Variants in PTPRN2 observed in about 807,000 individuals in gnomAD.
PTPRN2 encodes receptor-type tyrosine-protein phosphatase N2.
A neutral mutation model predicts 118.8 loss-of-function variants in PTPRN2; 74 were observed. That is an observed-to-expected ratio of 0.62 (90% CI 0.52 to 0.76). The LOEUF (loss-of-function observed/expected upper bound fraction) is 0.76, where lower values mean the gene tolerates loss of function less well. PTPRN2 is among the 30% of genes least tolerant of loss of function. The pLI is 0.00. For synonymous variants in PTPRN2, 641 were observed against 608.0 expected (o/e 1.05, Z -0.80); for missense variants, 1,481 against 1,394.4 (o/e 1.06, Z -0.99).
chr7:158,149,212 G>C (rs1350447483), intron 6 of PTPRN2, among the ~76,000 whole-genome samples: 2 of 150,722 alleles, frequency 1.3e-5, no homozygotes, highest in African/African-American at 4.9e-5. Context: ...CGAGTGTCTG[G>C]GCTGACCTGC....
At chr7:157,558,799 G>T (rs1324229408) in intron 21 of PTPRN2, among the ~76,000 whole-genome samples, 1 of 152,190 alleles carries the variant, frequency 6.6e-6, no homozygotes, top group South Asian at 2.1e-4. Context: ...CTGTAGGGCC[G>T]GCAGCTGCCT....
Position 157,607,704 on chromosome 7 carries a change from C to T in PTPRN2, c.2345-3629G>A, listed in dbSNP as rs570015378. Among the ~76,000 whole-genome samples the T allele has an allele frequency of 3.3e-5, 5 of 152,318 alleles. No individual in the cohort carries two copies. In the South Asian group the frequency reaches 8.3e-4, roughly 25 times the overall value. On this transcript the variant is annotated intron_variant, in intron 15 of 22. Transcript: ENST00000389418. ...GCCAGGCCCTGTGAGCAACAGGCCA[C>T]GGGGAAAGTGGCCACTGCCATTGGA...
chr7:158,195,802 T>G (rs1028713894), intron 4 of PTPRN2, among the ~76,000 whole-genome samples: 3 of 152,184 alleles, frequency 2.0e-5, no homozygotes, highest in Non-Finnish European at 4.4e-5. Flanking sequence ...ATTTTATGAG[T>G]TGCATTTTCC....
intron 2 of PTPRN2, among the ~76,000 whole-genome samples, chr7:158,340,607 CCACACACGTCACTCACACT>C (rs1806531825): frequency 8.8e-6 from 1 of 113,604 alleles, no homozygotes. Context: ...TCACTCACAC[CCACACACGTCACTCACACT>C]CACACTCTAG....
chr7:158,244,758 G>A (rs78709582), intron 3 of PTPRN2, among the ~76,000 whole-genome samples: 35 of 151,756 alleles, frequency 2.3e-4, no homozygotes, highest in East Asian at 5.8e-4. Context: ...TGTGGTTAGC[G>A]TCAGAGTATG....
chr7:158,296,339 C>G (rs1398515105), intron 3 of PTPRN2, among the ~76,000 whole-genome samples: 1 of 152,120 alleles, frequency 6.6e-6, no homozygotes, highest in Non-Finnish European at 1.5e-5. Flanking sequence ...GCTGAGCGGC[C>G]CGACTCCAGG....
intron 6 of PTPRN2, among the ~76,000 whole-genome samples, chr7:158,166,575 G>A (rs1248941813): frequency 2.8e-5 from 4 of 144,064 alleles, no homozygotes; most frequent in African/African-American, 5.2e-5. Context: ...CCCCCTGGCC[G>A]CCGCGTTCCC....
At position 157,948,510 on chromosome 7, in the gene PTPRN2, CA is replaced by C. The variant is rs976194037; in HGVS notation, c.1724-49774del. ...TACACTAAAAATTAAATCAAAGAAA[CA>C]AAAAAAGGCAATATTTGAGGAACTG... is the stretch of plus-strand genomic sequence containing the variant. On this transcript the variant is annotated intron_variant, in intron 11 of 22. Coordinates refer to ENST00000389418, the MANE Select transcript of PTPRN2 (RefSeq NM_002847.5). 2.6e-5 allele frequency among the ~76,000 whole-genome samples: 4 copies of C among 151,448 alleles called. No individual in the cohort carries two copies. The East Asian group carries it at 5.8e-4, about 22-fold the overall frequency.
rs975497861 is a variant in PTPRN2 at position 158,226,581 on chromosome 7, C to T, written c.278-21308G>A. On this transcript the variant is annotated intron_variant, in intron 3 of 22. Transcript: ENST00000389418. ...CAGCGTGCATGGTGGTCCCGGCTTG[C>T]ATGCAACACGTCAACACTTAAGCAG... 4.0e-5 allele frequency among the ~76,000 whole-genome samples: 6 copies of T among 151,876 alleles called. No homozygotes were observed. In the East Asian group the frequency reaches 9.7e-4, roughly 25 times the overall value.
intron 5 of PTPRN2, among the ~76,000 whole-genome samples, chr7:158,189,811 C>T (rs1825618889): frequency 6.6e-6 from 1 of 152,210 alleles, no homozygotes; most frequent in Non-Finnish European, 1.5e-5. Flanking sequence ...GAGCACAGGG[C>T]CCCACAGCCC....
intron 12 of PTPRN2, among the ~76,000 whole-genome samples, chr7:157,772,939 C>T (rs569729186): frequency 2.6e-5 from 4 of 152,266 alleles, no homozygotes; most frequent in African/African-American, 4.8e-5. Flanking sequence ...GGCTGCATGC[C>T]GACTCCGGGT....
intron 3 of PTPRN2, among the ~76,000 whole-genome samples, chr7:158,207,218 T>C (rs1483269798): frequency 1.4e-5 from 2 of 142,098 alleles, no homozygotes; most frequent in African/African-American, 5.4e-5. Flanking sequence ...TTGTTGGACA[T>C]TTGGGTTGGT....
chr7:158,034,145 A>G (rs563027357), intron 11 of PTPRN2, among the ~76,000 whole-genome samples: 19 of 151,188 alleles, frequency 1.3e-4, no homozygotes, highest in Admixed American at 3.3e-4. Flanking sequence ...AGACCTCAAT[A>G]GAAACTCTGC....
intron 1 of PTPRN2, 33 bp downstream of exon 1, chr7:158,587,525 T>C (rs1829044006): frequency 8.9e-7 from 1 of 1,129,394 alleles, no homozygotes; most frequent in Non-Finnish European, 1.1e-6. Flanking sequence ...ACTAATTCAT[T>C]GAGGCGCCCC....
At chr7:158,011,105 G>A (rs1211969127) in intron 11 of PTPRN2, among the ~76,000 whole-genome samples, 1 of 152,266 alleles carries the variant, frequency 6.6e-6, no homozygotes, top group African/African-American at 2.4e-5. Context: ...AGGAAGGTGT[G>A]CAGATGACAG....
intron 11 of PTPRN2, among the ~76,000 whole-genome samples, chr7:158,071,010 G>GAGGTTCTCATGGTGC (rs1811374739): frequency 8.9e-6 from 1 of 112,364 alleles, no homozygotes; most frequent in Non-Finnish European, 1.8e-5. Context: ...CATGGTGGTG[G>GAGGTTCTCATGGTGC]AGGTGCTCGT....
At chr7:158,207,882 G>A (rs1827283022) in intron 3 of PTPRN2, among the ~76,000 whole-genome samples, 1 of 152,134 alleles carries the variant, frequency 6.6e-6, no homozygotes, top group Non-Finnish European at 1.5e-5. Flanking sequence ...AAAATTCAGT[G>A]AAATTCAAGA....
At position 157,577,990 on chromosome 7, in the gene PTPRN2, G is replaced by A. The variant is rs1393185488; in HGVS notation, c.2616+31C>T. 1.9e-6 allele frequency: 3 copies of A among 1,583,432 alleles called. No homozygotes were observed. The South Asian group carries it at 3.4e-5, about 18-fold the overall frequency. On this transcript the variant is annotated intron_variant, in intron 18 of 22. Transcript: ENST00000389418. ...GGGCCCGTCCTCGTCCGGCTGGTGG[G>A]TCCTGCCCTGGGTGGCTCTGGTCGG...
intron 2 of PTPRN2, among the ~76,000 whole-genome samples, chr7:158,341,465 A>T (rs1394120333): frequency 6.8e-6 from 1 of 146,708 alleles, no homozygotes; most frequent in African/African-American, 2.6e-5. Context: ...TTCAGACGTC[A>T]TTCACACCCA....
Sources: allele counts gnomAD v4.1 joint callset (sites outside exome capture counted in the v4.1 genomes callset), GRCh38; gene constraint gnomAD v4.1.1; transcripts MANE v1.5; gene names NCBI Gene and HGNC (gene_info 2026-07-23, HGNC 2026-07-21).